EXOC4: variants seen among roughly 807,000 people sequenced by gnomAD.
EXOC4 encodes the protein exocyst complex component 4.
EXOC4 carries 71 observed loss-of-function variants against 107.2 expected under a neutral mutation model. That is an observed-to-expected ratio of 0.66 (90% CI 0.55 to 0.81). The LOEUF (loss-of-function observed/expected upper bound fraction) is 0.81. Ranked by LOEUF, EXOC4 falls within the 30% of genes least tolerant of loss-of-function variation. The pLI, the probability that EXOC4 is intolerant of heterozygous loss-of-function variation, is 0.00. For missense variants in EXOC4, 1,108 were observed against 1,189.6 expected, an observed-to-expected ratio of 0.93 and a Z score of 1.01; for synonymous variants, 456 against 441.2, an observed-to-expected ratio of 1.03 and a Z score of -0.42.
At chr7:133,570,059 G>T (rs1188397589) in intron 9 of EXOC4, among the ~76,000 whole-genome samples, 1 of 152,180 alleles carries the variant, frequency 6.6e-6, no homozygotes, top group African/African-American at 2.4e-5. Flanking sequence ...TTGTGAGTTG[G>T]CAGGAGAGGC....
chr7:133,742,167 C>T (rs1795579098), intron 10 of EXOC4, among the ~76,000 whole-genome samples: 1 of 152,040 alleles, frequency 6.6e-6, no homozygotes, highest in Non-Finnish European at 1.5e-5. Flanking sequence ...TTCATTTTTC[C>T]TTTGAATCCA....
intron 11 of EXOC4, among the ~76,000 whole-genome samples, chr7:133,855,089 A>ATATC (rs1360823995): frequency 9.0e-5 from 2 of 22,312 alleles, no homozygotes; most frequent in African/African-American, 4.4e-4. Context: ...CTAAATATAT[A>ATATC]TAAATATATA....
At chr7:133,847,020 A>T (rs1489119758) in intron 11 of EXOC4, among the ~76,000 whole-genome samples, 1 of 152,220 alleles carries the variant, frequency 6.6e-6, no homozygotes, top group East Asian at 1.9e-4. Context: ...GACTTAAAAA[A>T]ATTTTTATTT....
At chr7:134,028,668 A>G (rs1370769487) in intron 17 of EXOC4, among the ~76,000 whole-genome samples, 1 of 152,174 alleles carries the variant, frequency 6.6e-6, no homozygotes, top group African/African-American at 2.4e-5. Flanking sequence ...GTTAAGTGCC[A>G]ACTAGTCTTC....
chr7:133,291,194 C>T (rs1794396844), intron 3 of EXOC4, among the ~76,000 whole-genome samples: 1 of 151,880 alleles, frequency 6.6e-6, no homozygotes, highest in African/African-American at 2.4e-5. Flanking sequence ...GACACATTTT[C>T]CGGAGGTTTT....
At chr7:133,366,410 G>T (rs753102135) in intron 6 of EXOC4, among the ~76,000 whole-genome samples, 1 of 152,114 alleles carries the variant, frequency 6.6e-6, no homozygotes, top group Admixed American at 6.5e-5. Flanking sequence ...TGGGTAATTA[G>T]AAGTGTGTTT....
At chr7:133,478,296 G>C (rs1489084583) in intron 8 of EXOC4, among the ~76,000 whole-genome samples, 3 of 147,894 alleles carry the variant, frequency 2.0e-5, no homozygotes, top group African/African-American at 7.6e-5. Context: ...CAGTGCTTCT[G>C]AAGTTGTGGT....
chr7:133,373,951 G>T (rs1036482080), intron 6 of EXOC4, among the ~76,000 whole-genome samples: 1 of 152,150 alleles, frequency 6.6e-6, no homozygotes, highest in South Asian at 2.1e-4. Flanking sequence ...AGGCTCATGT[G>T]ATAAGTTCCT....
chr7:133,819,509 A>ATGGG (rs927392012), intron 11 of EXOC4, among the ~76,000 whole-genome samples: 5 of 151,838 alleles, frequency 3.3e-5, no homozygotes, highest in African/African-American at 4.8e-5. Flanking sequence ...TGTTGCATGG[A>ATGGG]TGGATGGATG....
intron 17 of EXOC4, among the ~76,000 whole-genome samples, chr7:134,010,467 A>G (rs1267160544): frequency 6.6e-6 from 1 of 152,182 alleles, no homozygotes; most frequent in African/African-American, 2.4e-5. Flanking sequence ...GTTTTCATAC[A>G]GACACACTTT....
intron 5 of EXOC4, among the ~76,000 whole-genome samples, chr7:133,346,510 A>T: frequency 6.6e-6 from 1 of 152,188 alleles, no homozygotes. Flanking sequence ...GTGTGAATTT[A>T]TAGTGCCATT....
At chr7:133,647,143 C>G (rs558253001) in intron 10 of EXOC4, among the ~76,000 whole-genome samples, 2 of 152,284 alleles carry the variant, frequency 1.3e-5, no homozygotes, top group African/African-American at 4.8e-5. Flanking sequence ...GTGTCATTTC[C>G]TACTTGTCCC....
At chr7:133,354,276 C>G (rs1034444808) in intron 5 of EXOC4, among the ~76,000 whole-genome samples, 1 of 151,970 alleles carries the variant, frequency 6.6e-6, no homozygotes, top group Admixed American at 6.6e-5. Context: ...AAATCACATT[C>G]TCCCTCTTTT....
At chr7:133,561,920 A>T (rs1477160566) in intron 9 of EXOC4, among the ~76,000 whole-genome samples, 1 of 152,232 alleles carries the variant, frequency 6.6e-6, no homozygotes, top group African/African-American at 2.4e-5. Flanking sequence ...TAAGCAGGTA[A>T]ATATCTTACT....
intron 10 of EXOC4, among the ~76,000 whole-genome samples, chr7:133,684,516 G>A (rs182711987): frequency 6.6e-6 from 1 of 152,108 alleles, no homozygotes; most frequent in Admixed American, 6.6e-5. Context: ...CTAAGAAAAT[G>A]CAAGAAAGAA....
intron 11 of EXOC4, among the ~76,000 whole-genome samples, chr7:133,840,804 G>T (rs999864084): frequency 6.6e-6 from 1 of 152,084 alleles, no homozygotes; most frequent in Non-Finnish European, 1.5e-5. Context: ...TCCTTACCAA[G>T]TTTGTGGTTC....
At chr7:133,394,984 G>T (rs1039055061) in intron 7 of EXOC4, among the ~76,000 whole-genome samples, 4 of 151,974 alleles carry the variant, frequency 2.6e-5, no homozygotes, top group African/African-American at 7.2e-5. Context: ...TCAGTTTATG[G>T]TAGTAAATTA....
intron 17 of EXOC4, among the ~76,000 whole-genome samples, chr7:134,048,703 G>A (rs1376561183): frequency 6.6e-6 from 1 of 152,090 alleles, no homozygotes; most frequent in Non-Finnish European, 1.5e-5. Flanking sequence ...ATGGCCCCAG[G>A]TCACATTTGA....
At chr7:133,532,481 C>T (rs1217278637) in intron 9 of EXOC4, among the ~76,000 whole-genome samples, 1 of 151,990 alleles carries the variant, frequency 6.6e-6, no homozygotes, top group Admixed American at 6.6e-5. Context: ...ATTTATTTTC[C>T]TGGGTGCCAA....
Sources: allele counts gnomAD v4.1 joint callset (sites outside exome capture counted in the v4.1 genomes callset), GRCh38; gene constraint gnomAD v4.1.1; transcripts MANE v1.5; gene names NCBI Gene and HGNC (gene_info 2026-07-23, HGNC 2026-07-21).